The following CEP128 variants were observed in gnomAD, a reference collection of about 807,000 sequenced individuals.
CEP128 encodes centrosomal protein 128kDa.
Under a neutral mutation model 156.7 loss-of-function variants are expected in CEP128, and 132 were observed. The observed-to-expected ratio is 0.84, with a 90% confidence interval of 0.73 to 0.97. CEP128 has a LOEUF of 0.97. Ranked by LOEUF, CEP128 falls within the 50% of genes least tolerant of loss-of-function variation. The probability of loss-of-function intolerance (pLI) is 0.00; values close to 1 mark genes in which losing one functional copy is unlikely to be tolerated. For missense variants in CEP128, 1,252 were observed against 1,281.9 expected, an observed-to-expected ratio of 0.98 and a Z score of 0.36; for synonymous variants, 469 against 448.9, an observed-to-expected ratio of 1.04 and a Z score of -0.57.
chr14:80,940,828 C>T (rs1886110464), intron 1 of CEP128, among the ~76,000 whole-genome samples: 1 of 152,104 alleles, frequency 6.6e-6, no homozygotes, highest in Non-Finnish European at 1.5e-5. Flanking sequence ...ACCTGAGTGG[C>T]TCACACTGTA....
At chr14:80,767,200 A>G (rs1900281330) in intron 16 of CEP128, among the ~76,000 whole-genome samples, 1 of 152,140 alleles carries the variant, frequency 6.6e-6, no homozygotes, top group South Asian at 2.1e-4. Flanking sequence ...GGGCAACTAA[A>G]TGAGAAGATA....
chr14:80,936,834 T>C (rs1885833301), intron 2 of CEP128, among the ~76,000 whole-genome samples: 1 of 152,130 alleles, frequency 6.6e-6, no homozygotes, highest in Admixed American at 6.5e-5. Context: ...GATATTCTTA[T>C]CTATCTGTTT....
chr14:80,528,680 T>A (rs1889090352), intron 22 of CEP128, among the ~76,000 whole-genome samples: 1 of 152,210 alleles, frequency 6.6e-6, no homozygotes, highest in Non-Finnish European at 1.5e-5. Context: ...CACTTAAAAG[T>A]CATAGGCTAT....
chr14:80,738,335 A>G (rs1232473588), intron 19 of CEP128, among the ~76,000 whole-genome samples: 1 of 152,222 alleles, frequency 6.6e-6, no homozygotes, highest in Non-Finnish European at 1.5e-5. Context: ...CTGTACAAGT[A>G]GCATAGAAAT....
rs1887538553 is a variant in CEP128 at position 80,497,451 on chromosome 14, T to C, written c.*28A>G. On this transcript the variant is annotated 3_prime_UTR_variant, in exon 25 of 25. Transcript: ENST00000555265. ...GATGTTATTATTTGTAACATACTCATGTAAAATAACAAATTACATTTGCTT... is the reference window on the plus strand; with the variant it reads ...GATGTTATTATTTGTAACATACTCACGTAAAATAACAAATTACATTTGCTT... 1 of 1,435,172 alleles carries C rather than the reference T, an allele frequency of 7.0e-7. No homozygotes were observed. Among genetic ancestry groups the C allele is most frequent in the Non-Finnish European group, 9.8e-7 (1 of 1,021,412 alleles). The allele number at this position is 1,435,172 out of a possible 1,614,324, so 88.9% of individuals were successfully genotyped here.
intron 12 of CEP128, among the ~76,000 whole-genome samples, chr14:80,835,813 T>C (rs556325314): frequency 1.3e-5 from 2 of 152,328 alleles, no homozygotes; most frequent in East Asian, 1.9e-4. Context: ...ATTTCTCTTA[T>C]ACTGAAAATT....
At chr14:80,496,402 T>C (rs755007469), downstream of CEP128, 5 of 152,710 alleles carry the variant, frequency 3.3e-5, no homozygotes, top group South Asian at 4.1e-4. Flanking sequence ...TAGGACAACA[T>C]ACCTTGAGCG....
intron 9 of CEP128, among the ~76,000 whole-genome samples, chr14:80,861,847 T>G (rs1887528442): frequency 6.6e-6 from 1 of 152,182 alleles, no homozygotes; most frequent in South Asian, 2.1e-4. Context: ...ATTATATAGA[T>G]GAAAAATGAT....
chr14:80,818,585 G>T (rs1430253407), intron 13 of CEP128, among the ~76,000 whole-genome samples: 1 of 152,220 alleles, frequency 6.6e-6, no homozygotes, highest in African/African-American at 2.4e-5. Context: ...CAAGTTTACA[G>T]TCTTTGCAAC....
At chr14:80,606,809 T>A (rs1243577186) in intron 19 of CEP128, among the ~76,000 whole-genome samples, 3 of 152,036 alleles carry the variant, frequency 2.0e-5, no homozygotes, top group Non-Finnish European at 4.4e-5. Flanking sequence ...GCCTGGATCC[T>A]GAACACCATG....
intron 19 of CEP128, among the ~76,000 whole-genome samples, chr14:80,722,632 CAG>C (rs1255500392): frequency 6.6e-6 from 1 of 151,556 alleles, no homozygotes; most frequent in Non-Finnish European, 1.5e-5. Flanking sequence ...AGCTATAAAA[CAG>C]AATGTTCATA....
intron 21 of CEP128, among the ~76,000 whole-genome samples, chr14:80,535,460 T>C (rs999914696): frequency 6.6e-6 from 1 of 152,240 alleles, no homozygotes; most frequent in Admixed American, 6.5e-5. Context: ...CAGCTAGACT[T>C]TGAAGATGTG....
rs144812994 is a variant in CEP128, at chr14:80,534,592, G to A, written c.2881-3706C>T. 4.6e-3 allele frequency among the ~76,000 whole-genome samples: 702 copies of A among 152,288 alleles called. 3 individuals carry two copies. Among genetic ancestry groups the A allele is most frequent in the African/African-American group, 0.016 (655 of 41,568 alleles). On this transcript the variant is annotated intron_variant, in intron 21 of 24. Coordinates refer to ENST00000555265, the MANE Select transcript of CEP128 (RefSeq NM_152446.5). The stretch of plus-strand genomic sequence containing the variant: ...TGTAATCCCAACACTTTGGGAGTCC[G>A]AGGCGGGTGGATCATGAGGTCAGGA...
At chr14:80,929,710 T>C (rs1885347170) in intron 2 of CEP128, among the ~76,000 whole-genome samples, 2 of 151,974 alleles carry the variant, frequency 1.3e-5, no homozygotes, top group African/African-American at 2.4e-5. Context: ...CACTGGAGAC[T>C]TGGAAGGGGG....
At chr14:80,812,992 T>C (rs559395794) in intron 13 of CEP128, among the ~76,000 whole-genome samples, 2 of 152,268 alleles carry the variant, frequency 1.3e-5, no homozygotes, top group South Asian at 2.1e-4. Flanking sequence ...TCTTTTCATA[T>C]GCTTGTTGGC....
rs1449218489 is a variant in CEP128, at chr14:80,739,197, T to C, written c.2806+3878A>G. Among the ~76,000 whole-genome samples the C allele has an allele frequency of 7.9e-5, 12 of 152,300 alleles. No homozygotes were observed. The East Asian group carries it at 1.9e-3, about 24-fold the overall frequency. The stretch of plus-strand genomic sequence containing the variant: ...TCCTCTACTGCCTACTTCTAGACTA[T>C]GTATATGTTCATCCTTTTTTTTGAG... On this transcript the variant is annotated intron_variant, in intron 19 of 24. Transcript: ENST00000555265.
At chr14:80,675,671 T>C (rs985491281) in intron 19 of CEP128, among the ~76,000 whole-genome samples, 1 of 152,120 alleles carries the variant, frequency 6.6e-6, no homozygotes, top group Non-Finnish European at 1.5e-5. Flanking sequence ...AGAATTAATA[T>C]CTGTAATTGG....
intron 1 of CEP128, chr14:80,959,376 T>C (rs1690624235): frequency 6.6e-6 from 1 of 152,252 alleles, no homozygotes; most frequent in Admixed American, 6.5e-5. Flanking sequence ...CATATAATTA[T>C]AGATCATATA....
intron 19 of CEP128, among the ~76,000 whole-genome samples, chr14:80,653,928 AC>A (rs1895022300): frequency 6.6e-6 from 1 of 152,126 alleles, no homozygotes; most frequent in Non-Finnish European, 1.5e-5. Context: ...GTTTCATGAA[AC>A]TTTTGGGTCA....
Sources: gnomAD v4.1 joint callset for allele counts (sites outside exome capture counted in the v4.1 genomes callset) on GRCh38, gnomAD v4.1.1 for gene constraint, MANE v1.5 for transcripts, NCBI Gene and HGNC (gene_info 2026-07-23, HGNC 2026-07-21) for gene names.